Variants in PPARGC1A observed in about 807,000 individuals in gnomAD.
PPARGC1A encodes PPARG coactivator 1 alpha, also known as peroxisome proliferator-activated receptor gamma coactivator 1-alpha.
In PPARGC1A, 25 loss-of-function variants were observed where a neutral mutation model predicts 88.7. The observed-to-expected ratio is 0.28, with a 90% CI of 0.21 to 0.39. The LOEUF (loss-of-function observed/expected upper bound fraction) is 0.39. PPARGC1A is among the 10% of genes least tolerant of loss of function. The pLI is 1.00. For missense variants in PPARGC1A, 880 were observed against 968.7 expected (o/e 0.91, Z 1.22); for synonymous variants, 363 against 355.6 (o/e 1.02, Z -0.24).
chr4:24,102,654 A>G, the PPARGC1A span, among the ~76,000 whole-genome samples: 1 of 152,338 alleles, frequency 6.6e-6, no homozygotes, highest in South Asian at 2.1e-4. Context: ...GGGCAGAAAG[A>G]GTGCTATCCG....
At chr4:23,881,570 C>T (rs996035500) in intron 2 of PPARGC1A, among the ~76,000 whole-genome samples, 2 of 152,160 alleles carry the variant, frequency 1.3e-5, no homozygotes, top group Non-Finnish European at 2.9e-5. Context: ...TAAGACTCTG[C>T]CACTCTATTA....
chr4:23,912,807 T>C, the PPARGC1A span, among the ~76,000 whole-genome samples: 3 of 150,894 alleles, frequency 2.0e-5, no homozygotes, highest in African/African-American at 7.3e-5. Flanking sequence ...TTTTTTTTTT[T>C]AGACGGAGTC....
chr4:23,939,222 A>G, the PPARGC1A span, among the ~76,000 whole-genome samples: 2 of 151,862 alleles, frequency 1.3e-5, no homozygotes, highest in African/African-American at 4.9e-5. Context: ...AACTTTGCAT[A>G]TCAAACCCCC....
chr4:24,246,763 G>A, the PPARGC1A span, among the ~76,000 whole-genome samples: 1 of 152,122 alleles, frequency 6.6e-6, no homozygotes, highest in African/African-American at 2.4e-5. Context: ...CCATCTTCCG[G>A]GAGCTGGGTT....
the PPARGC1A span, among the ~76,000 whole-genome samples, chr4:24,375,763 C>T: frequency 6.6e-6 from 1 of 152,182 alleles, no homozygotes; most frequent in African/African-American, 2.4e-5. Context: ...TTAGACAGGG[C>T]TCACAGGGAT....
chr4:24,136,344 AT>A, the PPARGC1A span, among the ~76,000 whole-genome samples: 3 of 152,234 alleles, frequency 2.0e-5, no homozygotes, highest in Non-Finnish European at 4.4e-5. Context: ...CCACAGTTGG[AT>A]TTCTGAGGAG....
intron 2 of PPARGC1A, among the ~76,000 whole-genome samples, chr4:23,843,464 T>A (rs555965665): frequency 1.3e-5 from 2 of 152,064 alleles, no homozygotes; most frequent in Non-Finnish European, 2.9e-5. Flanking sequence ...GCAAATCATA[T>A]AGAACAGTGC....
chr4:23,822,975 A>G (rs544553658), intron 7 of PPARGC1A, among the ~76,000 whole-genome samples: 1 of 152,222 alleles, frequency 6.6e-6, no homozygotes, highest in South Asian at 2.1e-4. Context: ...TCCAGTAAAT[A>G]ATATTTGCTT....
At chr4:24,459,459 A>G in the PPARGC1A span, among the ~76,000 whole-genome samples, 4 of 151,174 alleles carry the variant, frequency 2.6e-5, no homozygotes, top group African/African-American at 9.8e-5. Flanking sequence ...AAATAATGAA[A>G]AAAAAAAAAA....
At chr4:23,864,211 A>G (rs1731742975) in intron 2 of PPARGC1A, among the ~76,000 whole-genome samples, 1 of 152,206 alleles carries the variant, frequency 6.6e-6, no homozygotes, top group African/African-American at 2.4e-5. Context: ...GCAGGGGCTA[A>G]TTCATTGTCT....
At chr4:24,311,302 C>T in the PPARGC1A span, among the ~76,000 whole-genome samples, 6 of 146,980 alleles carry the variant, frequency 4.1e-5, no homozygotes, top group African/African-American at 1.5e-4. Context: ...GGTGTTTCAC[C>T]GTGTTAGCCA....
the PPARGC1A span, among the ~76,000 whole-genome samples, chr4:24,349,293 G>A: frequency 7.2e-4 from 109 of 152,250 alleles, no homozygotes; most frequent in Non-Finnish European, 1.1e-3. Context: ...AGGAGGTGGC[G>A]CTTTCCAGAA....
the PPARGC1A span, among the ~76,000 whole-genome samples, chr4:24,061,058 A>G: frequency 6.6e-6 from 1 of 151,896 alleles, no homozygotes; most frequent in Non-Finnish European, 1.5e-5. Flanking sequence ...TTGTTCTGGA[A>G]AAAAAAAGAA....
chr4:23,879,572 G>A (rs1715510114), intron 2 of PPARGC1A, among the ~76,000 whole-genome samples: 2 of 152,048 alleles, frequency 1.3e-5, no homozygotes, highest in Admixed American at 1.3e-4. Flanking sequence ...GAGTTATCAG[G>A]GCTGATGGAA....
the PPARGC1A span, among the ~76,000 whole-genome samples, chr4:24,329,044 T>C: frequency 6.6e-6 from 1 of 152,130 alleles, no homozygotes; most frequent in South Asian, 2.1e-4. Flanking sequence ...AAACAGTTTA[T>C]GTTGGGGAGC....
At chr4:23,945,515 C>T in the PPARGC1A span, among the ~76,000 whole-genome samples, 4 of 152,160 alleles carry the variant, frequency 2.6e-5, no homozygotes, top group South Asian at 8.3e-4. Flanking sequence ...GATGAGCAGA[C>T]AAGTGACCAG....
At chr4:23,872,342 C>G (rs1186425188) in intron 2 of PPARGC1A, among the ~76,000 whole-genome samples, 2 of 152,156 alleles carry the variant, frequency 1.3e-5, no homozygotes, top group African/African-American at 4.8e-5. Context: ...GGCCACCCAG[C>G]ACTTCCAATG....
the PPARGC1A span, among the ~76,000 whole-genome samples, chr4:24,107,607 T>C: frequency 6.6e-6 from 1 of 152,200 alleles, no homozygotes; most frequent in Non-Finnish European, 1.5e-5. Context: ...AATTTGGAAG[T>C]GTAGAGCATG....
the PPARGC1A span, among the ~76,000 whole-genome samples, chr4:24,012,561 T>A: frequency 6.6e-6 from 1 of 152,052 alleles, no homozygotes; most frequent in African/African-American, 2.4e-5. Flanking sequence ...GAGGCCCTGC[T>A]TCATAACACT....
Sources: allele counts gnomAD v4.1 joint callset (sites outside exome capture counted in the v4.1 genomes callset), GRCh38; gene constraint gnomAD v4.1.1; transcripts MANE v1.5; gene names NCBI Gene and HGNC (gene_info 2026-07-23, HGNC 2026-07-21).